Variants in GRM1 observed in about 807,000 individuals in gnomAD.
GRM1 encodes the protein glutamate metabotropic receptor 1, also known as metabotropic glutamate receptor 1.
A neutral mutation model predicts 90.9 loss-of-function variants in GRM1; 33 were observed. The ratio of observed to expected loss-of-function variants is 0.36; its 90% CI spans 0.28 to 0.49. GRM1 has a LOEUF of 0.49. Ranked by LOEUF, GRM1 falls within the 20% of genes least tolerant of loss-of-function variation. The probability of loss-of-function intolerance (pLI) is 0.99; values close to 1 mark genes in which losing one functional copy is unlikely to be tolerated. For synonymous variants in GRM1, 700 were observed against 613.2 expected, an observed-to-expected ratio of 1.14 and a Z score of -2.09; for missense variants, 1,190 against 1,534.3, an observed-to-expected ratio of 0.78 and a Z score of 3.75.
At chr6:146,195,983 A>G (rs1779101081) in intron 2 of GRM1, among the ~76,000 whole-genome samples, 1 of 152,226 alleles carries the variant, frequency 6.6e-6, no homozygotes, top group Admixed American at 6.5e-5. Context: ...GTCCAGGTGT[A>G]TGTCTACAGT....
At chr6:146,426,258 G>A (rs563734664) in intron 7 of GRM1, among the ~76,000 whole-genome samples, 16 of 152,288 alleles carry the variant, frequency 1.1e-4, no homozygotes, top group African/African-American at 3.1e-4. Flanking sequence ...ACTGCCACAA[G>A]GGATAAAGAA....
chr6:146,155,670 G>T (rs1056108057), intron 1 of GRM1, among the ~76,000 whole-genome samples: 4 of 152,148 alleles, frequency 2.6e-5, no homozygotes, highest in Non-Finnish European at 5.9e-5. Flanking sequence ...ATCTTTTCAG[G>T]TGATGGAAAT....
Position 146,435,023 on chromosome 6 carries a change from G to T in GRM1, c.*227G>T. 1.6e-6 allele frequency: 1 copy of T among 607,886 alleles called. No individual in the cohort carries two copies. Among genetic ancestry groups the T allele is most frequent in the Non-Finnish European group, 2.9e-6 (1 of 341,178 alleles). 37.7% of individuals were successfully genotyped at this position (607,886 alleles called of 1,614,324 possible). Reference sequence around the variant, plus strand: ...CAGGATTCGGATTCTTGAATTACTCGAAGCCTTCTCTGGGAAGAAAGGGAA... The same window carrying T: ...CAGGATTCGGATTCTTGAATTACTCTAAGCCTTCTCTGGGAAGAAAGGGAA... On this transcript the variant is annotated 3_prime_UTR_variant, in exon 8 of 8. Coordinates refer to ENST00000282753, the MANE Select transcript of GRM1 (RefSeq NM_001278064.2).
intron 6 of GRM1, among the ~76,000 whole-genome samples, chr6:146,390,919 GAC>G (rs900757586): frequency 5.9e-5 from 9 of 152,010 alleles, no homozygotes; most frequent in African/African-American, 1.4e-4. Flanking sequence ...CAGAAGAAGG[GAC>G]ATTTGATCTG....
At chr6:146,163,504 G>A (rs1028432785) in intron 2 of GRM1, among the ~76,000 whole-genome samples, 9 of 152,102 alleles carry the variant, frequency 5.9e-5, no homozygotes, top group South Asian at 2.1e-4. Flanking sequence ...TTCAATGTAC[G>A]GAGTACAGTA....
intron 6 of GRM1, among the ~76,000 whole-genome samples, chr6:146,396,126 A>T (rs1011189197): frequency 4.7e-5 from 6 of 128,504 alleles, no homozygotes; most frequent in African/African-American, 1.6e-4. Flanking sequence ...TATATTTATC[A>T]TCTATGTATC....
At chr6:146,152,477 C>A (rs1777375631) in intron 1 of GRM1, among the ~76,000 whole-genome samples, 1 of 152,038 alleles carries the variant, frequency 6.6e-6, no homozygotes, top group Middle Eastern at 3.4e-3. Flanking sequence ...CACACCTATA[C>A]TGTAAGTCCA....
chr6:146,165,948 G>A (rs77716007), intron 2 of GRM1, among the ~76,000 whole-genome samples: 2 of 151,928 alleles, frequency 1.3e-5, no homozygotes, highest in African/African-American at 2.4e-5. Flanking sequence ...CATCTGAAAC[G>A]TGAAAGATTC....
intron 7 of GRM1, among the ~76,000 whole-genome samples, chr6:146,412,496 A>G (rs1031939779): frequency 3.3e-5 from 5 of 152,184 alleles, no homozygotes; most frequent in African/African-American, 9.6e-5. Context: ...CATTCTGCTT[A>G]TCACACTACC....
chr6:146,159,082 G>T (rs956735200), intron 1 of GRM1, among the ~76,000 whole-genome samples: 1 of 152,128 alleles, frequency 6.6e-6, no homozygotes, highest in Admixed American at 6.5e-5. Context: ...GTAAAATAGG[G>T]CAGCAATCCT....
intron 3 of GRM1, among the ~76,000 whole-genome samples, chr6:146,344,014 A>T (rs1452784330): frequency 2.6e-5 from 4 of 152,218 alleles, no homozygotes; most frequent in Non-Finnish European, 5.9e-5. Flanking sequence ...GACCACATGT[A>T]AACATGTATC....
chr6:146,301,480 C>T (rs1322192903), intron 2 of GRM1, among the ~76,000 whole-genome samples: 1 of 152,182 alleles, frequency 6.6e-6, no homozygotes, highest in Non-Finnish European at 1.5e-5. Context: ...TTTTAAATTG[C>T]ACATGAACAT....
intron 2 of GRM1, among the ~76,000 whole-genome samples, chr6:146,249,103 CT>C (rs958630771): frequency 1.3e-5 from 2 of 152,148 alleles, no homozygotes; most frequent in African/African-American, 4.8e-5. Context: ...GAAATTAGAA[CT>C]TATGTTTGAG....
chr6:146,390,987 A>G (rs1776695672), intron 6 of GRM1, among the ~76,000 whole-genome samples: 1 of 152,100 alleles, frequency 6.6e-6, no homozygotes, highest in South Asian at 2.1e-4. Context: ...ATTGTAATAG[A>G]ATTACTATTT....
chr6:146,051,899 TG>T (rs1775304702), intron 1 of GRM1, among the ~76,000 whole-genome samples: 1 of 152,034 alleles, frequency 6.6e-6, no homozygotes. Flanking sequence ...GAAAAGGCAC[TG>T]GGAAGAAAAT....
At chr6:146,123,511 C>T (rs1228440774) in intron 1 of GRM1, among the ~76,000 whole-genome samples, 5 of 152,204 alleles carry the variant, frequency 3.3e-5, no homozygotes, top group Non-Finnish European at 7.3e-5. Flanking sequence ...GCCCCAAAAA[C>T]ATCTGTACGT....
chr6:146,245,269 A>T (rs1486695797), intron 2 of GRM1, among the ~76,000 whole-genome samples: 2 of 152,184 alleles, frequency 1.3e-5, no homozygotes, highest in African/African-American at 4.8e-5. Context: ...TCATACAAAA[A>T]AGTAGGAAGT....
chr6:146,312,867 C>T (rs1410092479), intron 3 of GRM1, among the ~76,000 whole-genome samples: 1 of 152,186 alleles, frequency 6.6e-6, no homozygotes, highest in Admixed American at 6.5e-5. Flanking sequence ...AGATCTGATG[C>T]CCAACATAGG....
Position 146,436,133 on chromosome 6 carries a change from C to G in GRM1, c.*1337C>G, listed in dbSNP as rs990170601. The G allele has an allele frequency of 6.6e-6, 1 of 152,468 alleles. No individual in the cohort carries two copies. The highest frequency in any genetic ancestry group is 1.5e-5 in the Non-Finnish European group (1 of 67,988). The allele number at this position is 152,468 out of a possible 1,614,324, so 9.4% of individuals were successfully genotyped here. On this transcript the variant is annotated 3_prime_UTR_variant, in exon 8 of 8. Coordinates refer to ENST00000282753, the MANE Select transcript of GRM1 (RefSeq NM_001278064.2). ...AATTAGAAATTGTCTTTTGAATATA[C>G]TATATATATTTTTTATGTTCCAATA...
Sources: allele counts gnomAD v4.1 joint callset (sites outside exome capture counted in the v4.1 genomes callset), GRCh38; gene constraint gnomAD v4.1.1; transcripts MANE v1.5; gene names NCBI Gene and HGNC (gene_info 2026-07-23, HGNC 2026-07-21).